The following NBEA variants were observed in gnomAD, a reference collection of about 807,000 sequenced individuals.
NBEA encodes the protein lysosomal-trafficking regulator 2.
Under a neutral mutation model 343.4 loss-of-function variants are expected in NBEA, and 44 were observed. That is an observed-to-expected ratio of 0.13 (90% CI 0.10 to 0.16). The LOEUF is 0.16. Ranked by LOEUF, NBEA falls within the 10% of genes least tolerant of loss-of-function variation. The pLI, the probability that NBEA is intolerant of heterozygous loss-of-function variation, is 1.00. For missense variants in NBEA, 2,555 were observed against 3,631.3 expected (o/e 0.70, Z 7.62); for synonymous variants, 1,175 against 1,238.7 (o/e 0.95, Z 1.08).
At chr13:35,217,722 C>T (rs2074142449) in intron 33 of NBEA, among the ~76,000 whole-genome samples, 1 of 152,030 alleles carries the variant, frequency 6.6e-6, no homozygotes, top group Admixed American at 6.6e-5. Context: ...AAAGGGTAGA[C>T]TTGCTAGAAT....
Position 35,050,353 on chromosome 13 carries a change from A to G in NBEA, c.930A>G (p.Lys310=). The change falls in exon 6 of 59, where the codon AAA becomes AAG. Residue 310 remains lysine (K), a synonymous_variant. Coordinates refer to ENST00000379939, the MANE Select transcript of NBEA (RefSeq NM_001385012.1). ...LIVTSLKSKG[K]GFQHCVKYDF... ...TCACATCATTGAAGTCCAAAGGAAA[A>G]GGTTTTCAGCATTGTGTGAAATATG... 6.2e-7 allele frequency: 1 copy of G among 1,608,880 alleles called. No homozygotes were observed. The highest frequency in any genetic ancestry group is 1.1e-5 in the South Asian group (1 of 90,844).
intron 17 of NBEA, among the ~76,000 whole-genome samples, chr13:35,139,985 T>TG (rs2067998524): frequency 6.6e-6 from 1 of 151,986 alleles, no homozygotes; most frequent in African/African-American, 2.4e-5. Context: ...GTGGCACAGT[T>TG]AAGAGAATAT....
chr13:35,118,570 A>C, intron 16 of NBEA, 96 bp downstream of exon 16: 1 of 942,838 alleles, frequency 1.1e-6, no homozygotes, highest in Non-Finnish European at 1.6e-6. Context: ...GAATAAATAT[A>C]GCAAAGTCTT....
At chr13:35,027,296 T>C (rs2062048197) in intron 1 of NBEA, among the ~76,000 whole-genome samples, 1 of 152,108 alleles carries the variant, frequency 6.6e-6, no homozygotes, top group African/African-American at 2.4e-5. Flanking sequence ...ATGCTAACTG[T>C]ATGTTTAGTT....
intron 41 of NBEA, chr13:35,474,822 C>G (rs1211763927): frequency 2.0e-6 from 1 of 493,400 alleles, no homozygotes; most frequent in Admixed American, 3.8e-5. Flanking sequence ...GATAGGAAAT[C>G]GTGTGGAAAG....
chr13:35,127,938 C>T (rs2067212862), intron 17 of NBEA, among the ~76,000 whole-genome samples: 1 of 151,696 alleles, frequency 6.6e-6, no homozygotes, highest in South Asian at 2.1e-4. Flanking sequence ...TATAAATCAG[C>T]TGTTGTAAGA....
chr13:35,180,740 T>G (rs1243427523), intron 28 of NBEA, among the ~76,000 whole-genome samples: 2 of 151,810 alleles, frequency 1.3e-5, no homozygotes, highest in Non-Finnish European at 2.9e-5. Context: ...AGTTCTTTAG[T>G]GGCGATTTGT....
chr13:35,474,333 GT>G (rs1434000769), intron 41 of NBEA: 3 of 152,470 alleles, frequency 2.0e-5, no homozygotes, highest in African/African-American at 7.3e-5. Flanking sequence ...ATATTCAAGC[GT>G]TATTATATAA....
intron 1 of NBEA, among the ~76,000 whole-genome samples, chr13:35,020,588 G>C (rs2061803837): frequency 6.6e-6 from 1 of 152,172 alleles, no homozygotes; most frequent in Non-Finnish European, 1.5e-5. Context: ...GCACGATCTT[G>C]CTTTACTGCA....
At chr13:35,580,280 C>G (rs908096950) in intron 45 of NBEA, among the ~76,000 whole-genome samples, 1 of 152,026 alleles carries the variant, frequency 6.6e-6, no homozygotes, top group South Asian at 2.1e-4. Flanking sequence ...TTAAAAAGTG[C>G]GGAAGTCACT....
intron 34 of NBEA, among the ~76,000 whole-genome samples, chr13:35,283,365 T>G (rs1365361428): frequency 1.3e-5 from 2 of 152,200 alleles, no homozygotes; most frequent in Non-Finnish European, 2.9e-5. Context: ...CTGAGCAATC[T>G]AAACATTCTG....
intron 17 of NBEA, among the ~76,000 whole-genome samples, chr13:35,134,870 A>G (rs1162664123): frequency 6.6e-6 from 1 of 151,992 alleles, no homozygotes; most frequent in Non-Finnish European, 1.5e-5. Flanking sequence ...AAGCTTTTGA[A>G]TAAGGAAAGC....
At chr13:35,352,515 TAGTAGCTAC>T in intron 38 of NBEA, among the ~76,000 whole-genome samples, 192 bp downstream of exon 38, 1 of 152,246 alleles carries the variant, frequency 6.6e-6, no homozygotes, top group South Asian at 2.1e-4. Flanking sequence ...AAACTTTTTA[TAGTAGCTAC>T]AGTGGAAGTT....
At chr13:35,431,865 G>A (rs577236891) in intron 38 of NBEA, among the ~76,000 whole-genome samples, 33 of 152,194 alleles carry the variant, frequency 2.2e-4, no homozygotes, top group African/African-American at 7.7e-4. Flanking sequence ...TAAACTATTT[G>A]TAGTGAGGTC....
At chr13:35,323,038 T>C (rs2038277633) in intron 36 of NBEA, among the ~76,000 whole-genome samples, 1 of 152,016 alleles carries the variant, frequency 6.6e-6, no homozygotes, top group Admixed American at 6.6e-5. Context: ...TTTGTAGAGA[T>C]GGGGTTCTGC....
At chr13:35,347,992 T>A (rs998903094) in intron 36 of NBEA, among the ~76,000 whole-genome samples, 4 of 152,126 alleles carry the variant, frequency 2.6e-5, no homozygotes, top group Admixed American at 1.3e-4. Flanking sequence ...CCTGGCATCT[T>A]ATGTCCTAGC....
At chr13:35,585,948 A>G (rs971122752) in intron 46 of NBEA, among the ~76,000 whole-genome samples, 6 of 152,160 alleles carry the variant, frequency 3.9e-5, no homozygotes, top group Non-Finnish European at 7.3e-5. Flanking sequence ...GAGTATTGCC[A>G]AAGCTCTTAA....
At chr13:35,416,924 G>T (rs2043947543) in intron 38 of NBEA, among the ~76,000 whole-genome samples, 2 of 152,036 alleles carry the variant, frequency 1.3e-5, no homozygotes, top group Non-Finnish European at 2.9e-5. Context: ...ACCTGTTATT[G>T]GTCTATTCAG....
At chr13:35,176,054 T>C (rs1391864866) in intron 27 of NBEA, among the ~76,000 whole-genome samples, 3 of 152,142 alleles carry the variant, frequency 2.0e-5, no homozygotes, top group Non-Finnish European at 4.4e-5. Context: ...TAGTCTGTTA[T>C]TCAGATGATG....
Sources: allele counts gnomAD v4.1 joint callset (sites outside exome capture counted in the v4.1 genomes callset), GRCh38; gene constraint gnomAD v4.1.1; transcripts MANE v1.5; gene names NCBI Gene and HGNC (gene_info 2026-07-23, HGNC 2026-07-21).